Variants in ATRNL1 observed in about 807,000 individuals in gnomAD.
ATRNL1 encodes attractin like 1, also known as attractin-like protein 1.
A neutral mutation model predicts 182.7 loss-of-function variants in ATRNL1; 95 were observed. The observed-to-expected ratio is 0.52, with a 90% CI of 0.44 to 0.62. The LOEUF is 0.62. ATRNL1 is among the 20% of genes least tolerant of loss of function. The probability of loss-of-function intolerance (pLI) is 0.00; values close to 1 mark genes in which losing one functional copy is unlikely to be tolerated. For missense variants in ATRNL1, 1,471 were observed against 1,679.5 expected, an observed-to-expected ratio of 0.88 and a Z score of 2.17; for synonymous variants, 576 against 568.3, an observed-to-expected ratio of 1.01 and a Z score of -0.19.
intron 27 of ATRNL1, among the ~76,000 whole-genome samples, chr10:115,828,264 C>T (rs1950483227): frequency 6.6e-6 from 1 of 151,860 alleles, no homozygotes; most frequent in Non-Finnish European, 1.5e-5. Flanking sequence ...TTGCGGTGAG[C>T]CGAAATCACA....
At chr10:115,738,145 T>G (rs1375629634) in intron 27 of ATRNL1, among the ~76,000 whole-genome samples, 4 of 111,804 alleles carry the variant, frequency 3.6e-5, no homozygotes, top group South Asian at 6.8e-4. Flanking sequence ...TTTTTTTTTT[T>G]TTTTTTTTTT....
At chr10:115,517,412 G>C (rs1554984124) in intron 24 of ATRNL1, among the ~76,000 whole-genome samples, 1 of 151,782 alleles carries the variant, frequency 6.6e-6, no homozygotes, top group African/African-American at 2.4e-5. Flanking sequence ...ATGTGTCACT[G>C]TTCTATATGT....
intron 21 of ATRNL1, among the ~76,000 whole-genome samples, chr10:115,436,073 G>A (rs1592654550): frequency 6.6e-6 from 1 of 152,062 alleles, no homozygotes; most frequent in South Asian, 2.1e-4. Context: ...TCAAGTAAAA[G>A]TTGCTTTAAG....
At chr10:115,321,671 C>CTTTTTT (rs528619167) in intron 18 of ATRNL1, among the ~76,000 whole-genome samples, 1 of 125,814 alleles carries the variant, frequency 7.9e-6, no homozygotes, top group Non-Finnish European at 1.6e-5. Context: ...AAGGTGAAAG[C>CTTTTTT]TTTTTTTTTT....
chr10:115,462,172 C>A lies in ATRNL1; in HGVS notation c.3417+137C>A, dbSNP rs146670077. 1.3e-3 allele frequency: 688 copies of A among 510,910 alleles called. 9 individuals carry two copies. The East Asian group carries it at 0.022, about 17-fold the overall frequency. The allele number at this position is 510,910 out of a possible 1,614,324, so 31.6% of individuals were successfully genotyped here. On this transcript the variant is annotated intron_variant, in intron 22 of 28. Coordinates refer to ENST00000355044, the MANE Select transcript of ATRNL1 (RefSeq NM_207303.4). ...AAACTACTAATCCTATTAATTTTTT[C>A]TCTCTTCGTGATTCAATAATTTGTG...
chr10:115,108,277 A>C (rs1315259230), intron 1 of ATRNL1, among the ~76,000 whole-genome samples: 1 of 152,200 alleles, frequency 6.6e-6, no homozygotes, highest in Non-Finnish European at 1.5e-5. Flanking sequence ...ATCCTAGTGA[A>C]GTGGCTACAT....
At chr10:115,716,164 T>G (rs1947244164) in intron 26 of ATRNL1, among the ~76,000 whole-genome samples, 1 of 152,196 alleles carries the variant, frequency 6.6e-6, no homozygotes, top group Non-Finnish European at 1.5e-5. Flanking sequence ...CACCAGTTAG[T>G]CAATGATTAT....
At chr10:115,559,516 G>T (rs1853563397) in intron 26 of ATRNL1, among the ~76,000 whole-genome samples, 1 of 151,978 alleles carries the variant, frequency 6.6e-6, no homozygotes, top group Non-Finnish European at 1.5e-5. Context: ...GGTTTAGCTT[G>T]TACACTTCTT....
chr10:115,322,749 G>A (rs189177875), intron 18 of ATRNL1, among the ~76,000 whole-genome samples: 20 of 152,084 alleles, frequency 1.3e-4, no homozygotes, highest in South Asian at 4.2e-4. Flanking sequence ...TTTTCTAAAG[G>A]TAGATTTGCT....
chr10:115,727,185 T>C, intron 26 of ATRNL1, 63 bp from the exon 27 acceptor site: 1 of 1,133,476 alleles, frequency 8.8e-7, no homozygotes, highest in Non-Finnish European at 1.3e-6. Flanking sequence ...GGGAACCAGA[T>C]ATTGTTGAAT....
chr10:115,162,411 G>C (rs1846833581), intron 6 of ATRNL1, among the ~76,000 whole-genome samples: 1 of 151,968 alleles, frequency 6.6e-6, no homozygotes. Flanking sequence ...AAAGACTTAA[G>C]ATAGGAACTC....
intron 27 of ATRNL1, among the ~76,000 whole-genome samples, chr10:115,765,417 C>T (rs2960698): frequency 0.95 from 144,675 of 152,246 alleles, 69,155 homozygotes; most frequent in East Asian, 1. Context: ...CTCTGATCTA[C>T]AGAACATCAT....
At chr10:115,525,476 G>A (rs1851164671) in intron 25 of ATRNL1, among the ~76,000 whole-genome samples, 1 of 152,170 alleles carries the variant, frequency 6.6e-6, no homozygotes, top group African/African-American at 2.4e-5. Flanking sequence ...AGGAGAGCCA[G>A]CTCTAAGCCT....
intron 26 of ATRNL1, among the ~76,000 whole-genome samples, chr10:115,554,838 A>G (rs1336771338): frequency 6.6e-6 from 1 of 151,692 alleles, no homozygotes; most frequent in East Asian, 1.9e-4. Context: ...TATATACAAT[A>G]CAACAAATTT....
chr10:115,590,845 T>C (rs1247265048), intron 26 of ATRNL1, among the ~76,000 whole-genome samples: 1 of 152,146 alleles, frequency 6.6e-6, no homozygotes, highest in African/African-American at 2.4e-5. Context: ...TGAACTCCTG[T>C]TGATCAGAGG....
intron 28 of ATRNL1, among the ~76,000 whole-genome samples, chr10:115,914,178 C>G (rs557520128): frequency 6.6e-6 from 1 of 152,296 alleles, no homozygotes; most frequent in African/African-American, 2.4e-5. Flanking sequence ...CCCCTTCCAC[C>G]ATGATTGTAA....
chr10:115,648,424 T>C (rs1243136684), intron 26 of ATRNL1, among the ~76,000 whole-genome samples: 6 of 152,256 alleles, frequency 3.9e-5, no homozygotes, highest in South Asian at 2.1e-4. Flanking sequence ...AAGCTACCAA[T>C]GACTGTCTTC....
chr10:115,723,996 T>G (rs1947516409), intron 26 of ATRNL1, among the ~76,000 whole-genome samples: 1 of 152,222 alleles, frequency 6.6e-6, no homozygotes. Context: ...GCAGTATGAT[T>G]ATAATCTATT....
intron 8 of ATRNL1, among the ~76,000 whole-genome samples, chr10:115,172,385 T>C (rs1175748191): frequency 1.0e-5 from 1 of 96,564 alleles, no homozygotes; most frequent in East Asian, 2.8e-4. Flanking sequence ...GTTTTATTTC[T>C]TGAGGAATTT....
Sources: allele counts gnomAD v4.1 joint callset (sites outside exome capture counted in the v4.1 genomes callset), GRCh38; gene constraint gnomAD v4.1.1; transcripts MANE v1.5; gene names NCBI Gene and HGNC (gene_info 2026-07-23, HGNC 2026-07-21).